The following ABCC12 variants were observed in gnomAD, a reference collection of about 807,000 sequenced individuals.
The protein encoded by ABCC12 is ATP-binding cassette sub-family C member 12.
A neutral mutation model predicts 151.1 loss-of-function variants in ABCC12; 142 were observed. The ratio of observed to expected loss-of-function variants is 0.94; its 90% CI spans 0.82 to 1.08. The LOEUF is 1.08. Among genes scored for constraint, ABCC12 ranks in the 50% least tolerant of loss-of-function variants. The pLI, the probability that ABCC12 is intolerant of heterozygous loss-of-function variation, is 0.00. For missense variants in ABCC12, 1,638 were observed against 1,691.1 expected (o/e 0.97, Z 0.55); for synonymous variants, 645 against 646.4 (o/e 1.00, Z 0.03).
rs190607630 is a variant in ABCC12, at chr16:48,132,864, G to A, written c.1128+823C>T. 1.8e-3 allele frequency among the ~76,000 whole-genome samples: 269 copies of A among 152,076 alleles called. 1 individual carries two copies. The highest frequency in any genetic ancestry group is 3.2e-3 in the Non-Finnish European group (217 of 67,990). On this transcript the variant is annotated intron_variant, in intron 9 of 30. Coordinates refer to ENST00000311303, the MANE Select transcript of ABCC12 (RefSeq NM_001393797.1). ...AACAGTGCTGATTGTGGCTATTATC[G>A]TCCCATTTGCAGATTACAAAACCGA...
intron 24 of ABCC12, among the ~76,000 whole-genome samples, chr16:48,095,345 C>T (rs2150592348): frequency 6.6e-6 from 1 of 152,196 alleles, no homozygotes; most frequent in South Asian, 2.1e-4. Context: ...TCCCCAGCCA[C>T]GTGGAACTGT....
chr16:48,085,254 C>A (rs1394553351), intron 29 of ABCC12, among the ~76,000 whole-genome samples: 1 of 152,132 alleles, frequency 6.6e-6, no homozygotes, highest in Non-Finnish European at 1.5e-5. Flanking sequence ...CTTGAGCATC[C>A]TGGGGACAGT....
intron 8 of ABCC12, among the ~76,000 whole-genome samples, chr16:48,134,640 G>A (rs1489590040): frequency 2.0e-5 from 3 of 152,122 alleles, no homozygotes; most frequent in African/African-American, 4.8e-5. Context: ...CCCAAAGGCC[G>A]GATCCAACAC....
chr16:48,083,891 C>G lies in ABCC12; in HGVS notation c.3993+18G>C. Reference sequence around the variant, plus strand: ...ACTGGACTTTCTGGGGAGGTGAAGCCAAAAGAGCTTCCTATACCTTCCCAT... The same window carrying G: ...ACTGGACTTTCTGGGGAGGTGAAGCGAAAAGAGCTTCCTATACCTTCCCAT... On this transcript the variant is annotated intron_variant, in intron 30 of 30. Transcript: ENST00000311303. 2 of 1,612,286 alleles carry G rather than the reference C, an allele frequency of 1.2e-6. No homozygotes were observed. Among genetic ancestry groups the G allele is most frequent in the Non-Finnish European group, 1.7e-6 (2 of 1,179,570 alleles).
chr16:48,085,499 G>T, intron 29 of ABCC12, 94 bp downstream of exon 29: 1 of 1,052,850 alleles, frequency 9.5e-7, no homozygotes, highest in Non-Finnish European at 1.5e-6. Context: ...CTGTCTCTTT[G>T]CTGAAAGACA....
At chr16:48,085,755 G>A (rs777053627) in intron 28 of ABCC12, 49 bp from the exon 29 acceptor site, 18 of 1,456,640 alleles carry the variant, frequency 1.2e-5, no homozygotes, top group Non-Finnish European at 1.6e-5. Flanking sequence ...CTATAAAATT[G>A]TCCTATGCTG....
At chr16:48,101,854 A>G (rs991457797) in intron 22 of ABCC12, among the ~76,000 whole-genome samples, 3 of 152,210 alleles carry the variant, frequency 2.0e-5, no homozygotes, top group African/African-American at 7.2e-5. Flanking sequence ...AAGGAACATG[A>G]GCCCAAAGAA....
At chr16:48,148,236 C>CA (rs1965062799) in intron 2 of ABCC12, among the ~76,000 whole-genome samples, 2 of 137,786 alleles carry the variant, frequency 1.5e-5, no homozygotes, top group Admixed American at 7.0e-5. Flanking sequence ...GCGTGAGTCA[C>CA]CAAAAAAAAA....
chr16:48,119,517 G>C (rs953205804), intron 13 of ABCC12, among the ~76,000 whole-genome samples: 4 of 152,248 alleles, frequency 2.6e-5, no homozygotes, highest in African/African-American at 9.6e-5. Context: ...AAGAGATGCT[G>C]AGCAGAGTAA....
chr16:48,126,511 A>T (rs575426239), intron 11 of ABCC12, among the ~76,000 whole-genome samples: 15 of 152,382 alleles, frequency 9.8e-5, no homozygotes, highest in Middle Eastern at 6.8e-3. Flanking sequence ...TGAGGGCAGC[A>T]CTTAAGCTGG....
At chr16:48,090,004 T>A (rs552994151) in intron 25 of ABCC12, among the ~76,000 whole-genome samples, 1 of 152,120 alleles carries the variant, frequency 6.6e-6, no homozygotes, top group Non-Finnish European at 1.5e-5. Flanking sequence ...TAAAAAGAAA[T>A]TGAATGTATT....
chr16:48,142,038 C>T (rs538000429), intron 4 of ABCC12, among the ~76,000 whole-genome samples: 4 of 152,142 alleles, frequency 2.6e-5, no homozygotes, highest in South Asian at 4.1e-4. Flanking sequence ...GGACAGAGAG[C>T]GACAACAGGG....
intron 13 of ABCC12, 68 bp from the exon 14 acceptor site, chr16:48,117,401 C>T (rs562251150): frequency 1.8e-4 from 277 of 1,546,186 alleles, no homozygotes; most frequent in Admixed American, 2.5e-4. Context: ...TGGGCTGCTT[C>T]CACAGGCGCT....
At chr16:48,112,788 C>G (rs150945184) in intron 15 of ABCC12, among the ~76,000 whole-genome samples, 1 of 152,232 alleles carries the variant, frequency 6.6e-6, no homozygotes, top group East Asian at 1.9e-4. Context: ...GGTCTCCAGG[C>G]AAGAGGCCAC....
At chr16:48,123,211 C>A (rs140661091) in intron 12 of ABCC12, among the ~76,000 whole-genome samples, 2 of 152,146 alleles carry the variant, frequency 1.3e-5, no homozygotes, top group Non-Finnish European at 2.9e-5. Flanking sequence ...TGGAGCTATC[C>A]GAGCAGTTGG....
At chr16:48,133,619 A>C (rs538422856) in intron 9 of ABCC12, 68 bp downstream of exon 9, 1 of 1,571,082 alleles carries the variant, frequency 6.4e-7, no homozygotes, top group South Asian at 1.2e-5. Context: ...GACGGTAGGA[A>C]GGGCTTCCCA....
intron 18 of ABCC12, among the ~76,000 whole-genome samples, chr16:48,109,460 C>T (rs73540869): frequency 3.3e-5 from 5 of 152,062 alleles, no homozygotes; most frequent in Admixed American, 1.3e-4. Context: ...CAGAGAAATG[C>T]GAAAATGTCG....
At chr16:48,143,133 T>G (rs534861025) in intron 4 of ABCC12, among the ~76,000 whole-genome samples, 1 of 152,350 alleles carries the variant, frequency 6.6e-6, no homozygotes, top group East Asian at 1.9e-4. Flanking sequence ...TTTTGTAATA[T>G]AAAAGTCCAA....
In ABCC12 at chr16:48,139,243, A is replaced by T. The variant is rs779649390; in HGVS notation, c.751T>A (p.Cys251Ser). The T allele has an allele frequency of 6.2e-7, 1 of 1,614,214 alleles. No individual in the cohort carries two copies. The highest frequency in any genetic ancestry group is 1.1e-5 in the South Asian group (1 of 91,084). The change falls in exon 7 of 31, where the codon TGT becomes AGT. Residue 251 changes from cysteine (C) to serine (S), a missense_variant. Transcript: ENST00000311303. ...PATIPILMVF[C>S]AAYAFFILGP... Reference sequence around the variant, plus strand: ...AGAATGAAAAAGGCGTACGCCGCACAAAAGACCATTAGGATCGGGATGGTG... The same window carrying T: ...AGAATGAAAAAGGCGTACGCCGCACTAAAGACCATTAGGATCGGGATGGTG...
Sources: gnomAD v4.1 joint callset for allele counts (sites outside exome capture counted in the v4.1 genomes callset) on GRCh38, gnomAD v4.1.1 for gene constraint, MANE v1.5 for transcripts, NCBI Gene and HGNC (gene_info 2026-07-23, HGNC 2026-07-21) for gene names.